TFEC: variants seen among roughly 807,000 people sequenced by gnomAD.
The protein encoded by TFEC is class E basic helix-loop-helix protein 34.
In TFEC, 31 loss-of-function variants were observed where a neutral mutation model predicts 41.6. The observed-to-expected ratio is 0.74, with a 90% confidence interval of 0.56 to 1.01. The LOEUF (loss-of-function observed/expected upper bound fraction) is 1.01. Among genes scored for constraint, TFEC ranks in the 50% least tolerant of loss-of-function variants. TFEC has a pLI of 0.00. For missense variants in TFEC, 402 were observed against 404.1 expected, an observed-to-expected ratio of 0.99 and a Z score of 0.04; for synonymous variants, 143 against 140.6, an observed-to-expected ratio of 1.02 and a Z score of -0.12.
At chr7:115,976,134 C>T (rs896443017) in intron 2 of TFEC, among the ~76,000 whole-genome samples, 8 of 151,980 alleles carry the variant, frequency 5.3e-5, no homozygotes, top group Non-Finnish European at 1.0e-4. Flanking sequence ...TTAAATGTTA[C>T]TGAATTTGGC....
chr7:115,994,737 A>G lies in TFEC; in HGVS notation c.-72-10224T>C, dbSNP rs1258828934. 3.3e-5 allele frequency among the ~76,000 whole-genome samples: 5 copies of G among 152,330 alleles called. No individual in the cohort carries two copies. The East Asian group carries it at 7.7e-4, about 24-fold the overall frequency. On this transcript the variant is annotated intron_variant, in intron 1 of 7. Transcript: ENST00000265440. The stretch of plus-strand genomic sequence containing the variant: ...GATGTGGAGAAATAGGAACACTTTT[A>G]CACTGTTGGTGGGACTGTAAACTAG...
chr7:115,977,994 C>A (rs1391437201), intron 2 of TFEC, among the ~76,000 whole-genome samples: 1 of 151,532 alleles, frequency 6.6e-6, no homozygotes, highest in Non-Finnish European at 1.5e-5. Context: ...AAAAAGAGGG[C>A]AAAGAAACGG....
chr7:116,143,993 G>A (rs557747521), intron 1 of TFEC, among the ~76,000 whole-genome samples: 86 of 152,144 alleles, frequency 5.7e-4, no homozygotes, highest in African/African-American at 1.8e-3. Context: ...GCCAAGGCAG[G>A]CAGATCACAA....
intron 3 of TFEC, among the ~76,000 whole-genome samples, chr7:116,081,330 T>G (rs1448939417): frequency 6.6e-6 from 1 of 151,964 alleles, no homozygotes; most frequent in African/African-American, 2.4e-5. Context: ...GTCCATCTCA[T>G]TATCTTCCCA....
In TFEC at chr7:116,061,685, A is replaced by G. The variant is rs545153387; in HGVS notation, c.198+49023T>C. Among the ~76,000 whole-genome samples, 120 of 151,790 alleles carry G rather than the reference A, an allele frequency of 7.9e-4. 1 individual carries two copies. Among genetic ancestry groups the G allele is most frequent in the African/African-American group, 2.8e-3 (115 of 41,340 alleles). Reference sequence around the variant, plus strand: ...AAGATAAGACTACGAGACTAAGAAAAAAAATTTCAAATCTTGTAGTTGATG... The same window carrying G: ...AAGATAAGACTACGAGACTAAGAAAGAAAATTTCAAATCTTGTAGTTGATG... On this transcript the variant is annotated intron_variant, in intron 3 of 8. Transcript: ENST00000484212.
At chr7:116,024,205 G>A (rs1439045025) in intron 1 of TFEC, among the ~76,000 whole-genome samples, 1 of 152,092 alleles carries the variant, frequency 6.6e-6, no homozygotes, top group Non-Finnish European at 1.5e-5. Context: ...TTATCCATGT[G>A]TAAGCCTAGA....
At chr7:115,997,350 A>G (rs914788225) in intron 1 of TFEC, among the ~76,000 whole-genome samples, 13 of 152,222 alleles carry the variant, frequency 8.5e-5, no homozygotes, top group African/African-American at 2.9e-4. Flanking sequence ...TGGTACATGT[A>G]TGAGTCTGCA....
At chr7:115,959,400 G>A (rs1300727953) in intron 3 of TFEC, among the ~76,000 whole-genome samples, 6 of 151,634 alleles carry the variant, frequency 4.0e-5, no homozygotes, top group South Asian at 2.1e-4. Context: ...GCTCTTCGCC[G>A]TAGATTTTAT....
intron 6 of TFEC, among the ~76,000 whole-genome samples, chr7:115,947,793 A>G (rs372246010): frequency 4.0e-5 from 6 of 151,680 alleles, no homozygotes; most frequent in Non-Finnish European, 5.9e-5. Context: ...AAATTTGTTT[A>G]AGTTCATTGT....
At chr7:116,010,364 C>T (rs1450705508) in intron 1 of TFEC, among the ~76,000 whole-genome samples, 1 of 152,106 alleles carries the variant, frequency 6.6e-6, no homozygotes, top group Non-Finnish European at 1.5e-5. Context: ...AGACAAATAG[C>T]TGGATTCAAG....
intron 1 of TFEC, among the ~76,000 whole-genome samples, chr7:116,112,330 G>C (rs964867599): frequency 6.6e-6 from 1 of 151,908 alleles, no homozygotes; most frequent in African/African-American, 2.4e-5. Context: ...CTTGTATACA[G>C]GCAACACCTT....
chr7:116,031,785 AT>A (rs1795790498), upstream of TFEC, among the ~76,000 whole-genome samples: 8 of 152,118 alleles, frequency 5.3e-5, no homozygotes, highest in Admixed American at 3.9e-4. Context: ...AAGTAAAAAA[AT>A]TGTTCTGTCA....
chr7:116,110,791 G>T, exon 3 of TFEC: 1 of 1,548,150 alleles, frequency 6.5e-7, no homozygotes, highest in Non-Finnish European at 8.7e-7. Flanking sequence ...TATGAAAACT[G>T]CATGTGGAAC....
chr7:115,958,167 G>A (rs369201325), intron 3 of TFEC, among the ~76,000 whole-genome samples: 55 of 151,884 alleles, frequency 3.6e-4, no homozygotes, highest in African/African-American at 1.3e-3. Flanking sequence ...ACCTATTGGA[G>A]TCATCAGCTA....
intron 1 of TFEC, among the ~76,000 whole-genome samples, chr7:116,023,253 C>G (rs1795467255): frequency 6.6e-6 from 1 of 152,152 alleles, no homozygotes; most frequent in Non-Finnish European, 1.5e-5. Context: ...TGCAGTGCCA[C>G]TTTGGATTTC....
chr7:116,010,140 A>G (rs1794945334), intron 1 of TFEC, among the ~76,000 whole-genome samples: 1 of 152,194 alleles, frequency 6.6e-6, no homozygotes, highest in Non-Finnish European at 1.5e-5. Flanking sequence ...CTAGAGCAGA[A>G]AAATAATGAC....
chr7:116,055,052 T>A (rs1796396018), intron 3 of TFEC, among the ~76,000 whole-genome samples: 1 of 152,154 alleles, frequency 6.6e-6, no homozygotes, highest in South Asian at 2.1e-4. Context: ...AAAATTTTTA[T>A]CACTAGTTAT....
chr7:115,995,201 G>A (rs1382565452), intron 1 of TFEC, among the ~76,000 whole-genome samples: 12 of 142,238 alleles, frequency 8.4e-5, no homozygotes, highest in African/African-American at 2.9e-4. Context: ...CTGTCATGGG[G>A]TGGGGAGGGG....
intron 3 of TFEC, among the ~76,000 whole-genome samples, chr7:115,963,214 A>G (rs1157397232): frequency 1.3e-5 from 2 of 151,890 alleles, no homozygotes; most frequent in African/African-American, 4.8e-5. Flanking sequence ...CAAATGGCCA[A>G]TAAGCACATG....
Sources: gnomAD v4.1 joint callset for allele counts (sites outside exome capture counted in the v4.1 genomes callset) on GRCh38, gnomAD v4.1.1 for gene constraint, MANE v1.5 for transcripts, NCBI Gene and HGNC (gene_info 2026-07-23, HGNC 2026-07-21) for gene names.